STK17A: variants seen among roughly 807,000 people sequenced by gnomAD.
STK17A encodes serine/threonine kinase 17a.
STK17A carries 26 observed loss-of-function variants against 43.7 expected under a neutral mutation model. The ratio of observed to expected loss-of-function variants is 0.60; its 90% CI spans 0.44 to 0.83. The LOEUF (loss-of-function observed/expected upper bound fraction) is 0.83. Ranked by LOEUF, STK17A falls within the 40% of genes least tolerant of loss-of-function variation. The pLI is 0.00. For missense variants in STK17A, 476 were observed against 511.6 expected, an observed-to-expected ratio of 0.93 and a Z score of 0.67; for synonymous variants, 191 against 182.5, an observed-to-expected ratio of 1.05 and a Z score of -0.38.
At chr7:43,608,542 C>G (rs748602665) in intron 3 of STK17A, 142 bp downstream of exon 3, 70 of 917,132 alleles carry the variant, frequency 7.6e-5, no homozygotes, top group Middle Eastern at 6.9e-4. Context: ...TTACTCCTAT[C>G]CTCTAGCCAG....
rs1424992612 is a variant in STK17A at position 43,625,223 on chromosome 7, A to ATT, written c.*382_*383insTT. On this transcript the variant is annotated 3_prime_UTR_variant, in exon 7 of 7. Coordinates refer to ENST00000319357, the MANE Select transcript of STK17A (RefSeq NM_004760.3). The stretch of plus-strand genomic sequence containing the variant: ...TCTTGCATTATTCATATGTGTATCT[A>ATT]TATCTGCATAATGTTTGTTAATGTC... 1 of 160,282 alleles carries ATT rather than the reference A, an allele frequency of 6.2e-6. No homozygotes were observed. The highest frequency in any genetic ancestry group is 6.3e-5 in the Admixed American group (1 of 15,826). The allele number at this position is 160,282 out of a possible 1,614,324, so 9.9% of individuals were successfully genotyped here.
chr7:43,596,847 G>A (rs1191128163), intron 2 of STK17A, among the ~76,000 whole-genome samples: 3 of 131,996 alleles, frequency 2.3e-5, no homozygotes, highest in East Asian at 2.3e-4. Context: ...TAACCTGGGC[G>A]ACAAAGTGAG....
At chr7:43,595,476 G>A (rs1322437196) in intron 1 of STK17A, among the ~76,000 whole-genome samples, 3 of 151,886 alleles carry the variant, frequency 2.0e-5, no homozygotes, top group Non-Finnish European at 4.4e-5. Context: ...ACAGGGTTTC[G>A]CCATTTTGGC....
At chr7:43,592,096 T>C (rs2152970741) in intron 1 of STK17A, among the ~76,000 whole-genome samples, 1 of 151,706 alleles carries the variant, frequency 6.6e-6, no homozygotes, top group Admixed American at 6.6e-5. Flanking sequence ...TTTTTACAAA[T>C]TAAACTTTCT....
chr7:43,614,975 G>A (rs886421542), intron 3 of STK17A, among the ~76,000 whole-genome samples: 1 of 152,172 alleles, frequency 6.6e-6, no homozygotes, highest in African/African-American at 2.4e-5. Context: ...AACATTCATA[G>A]AATGTACATG....
chr7:43,583,361 C>T lies in STK17A; in HGVS notation c.118C>T (p.Arg40Cys), dbSNP rs568833473. 155 of 1,444,736 alleles carry T rather than the reference C, an allele frequency of 1.1e-4. No homozygotes were observed. In the African/African-American group the frequency reaches 2.0e-3, roughly 19 times the overall value. The allele number at this position is 1,444,736 out of a possible 1,614,324, so 89.5% of individuals were successfully genotyped here. ...PCRPPPPPQARGLLTEIRAVV... is the reference protein window; with the variant it reads ...PCRPPPPPQACGLLTEIRAVV... The stretch of plus-strand genomic sequence containing the variant: ...CCGGCCGCCGCCGCCGCCCCAGGCC[C>T]GCGGGCTGCTGACAGAGATACGCGC... The change falls in exon 1 of 7, where the codon CGC becomes TGC. Residue 40 changes from arginine (R) to cysteine (C), a missense_variant. Around this residue, in one of 3 missense-constraint regions of STK17A, gnomAD observed 320 missense variants for 326.3 expected, o/e 0.98. Transcript: ENST00000319357.
At chr7:43,596,889 T>C (rs1262977157) in intron 2 of STK17A, among the ~76,000 whole-genome samples, 5 of 148,322 alleles carry the variant, frequency 3.4e-5, no homozygotes, top group African/African-American at 7.4e-5. Context: ...AAAAAAAACC[T>C]TAATACTCAT....
Position 43,585,112 on chromosome 7 carries a change from A to G in STK17A, c.206+1663A>G, listed in dbSNP as rs560358174. On this transcript the variant is annotated intron_variant, in intron 1 of 6. Coordinates refer to ENST00000319357, the MANE Select transcript of STK17A (RefSeq NM_004760.3). Reference sequence around the variant, plus strand: ...CTCGTGAGGCTGAGGTAGGCGAATCACTTGAACCCGGGAGGCGGAGGTTGC... The same window carrying G: ...CTCGTGAGGCTGAGGTAGGCGAATCGCTTGAACCCGGGAGGCGGAGGTTGC... Among the ~76,000 whole-genome samples the G allele has an allele frequency of 5.9e-5, 9 of 152,130 alleles. No homozygotes were observed. In the South Asian group the frequency reaches 1.9e-3, roughly 32 times the overall value.
rs760869786 is a variant in STK17A, at chr7:43,608,250, C to T, written c.420-6C>T. 2 of 1,607,920 alleles carry T rather than the reference C, an allele frequency of 1.2e-6. No individual in the cohort carries two copies. The highest frequency in any genetic ancestry group is 1.7e-6 in the Non-Finnish European group (2 of 1,178,322). ...TATATATTACTTTAATTTTGCCCTT[C>T]TCTAGTGCTGCTGGGGGTGAAATCT... On this transcript the variant is annotated splice_region_variant and splice_polypyrimidine_tract_variant and intron_variant, in intron 2 of 6. Transcript: ENST00000319357.
chr7:43,621,864 G>A (rs530082582), intron 4 of STK17A, among the ~76,000 whole-genome samples: 8 of 107,306 alleles, frequency 7.5e-5, no homozygotes, highest in Non-Finnish European at 1.4e-4. Flanking sequence ...TTTTCCTTCC[G>A]TGACTCACCT....
At chr7:43,620,310 G>A (rs1379280369) in intron 4 of STK17A, among the ~76,000 whole-genome samples, 4 of 152,198 alleles carry the variant, frequency 2.6e-5, no homozygotes, top group African/African-American at 7.2e-5. Flanking sequence ...AAGATTAATA[G>A]TTTGATGGTC....
Position 43,595,134 on chromosome 7 carries a change from G to A in STK17A, c.207-767G>A, listed in dbSNP as rs535082458. Among the ~76,000 whole-genome samples the A allele has an allele frequency of 7.9e-5, 12 of 152,082 alleles. 1 individual carries two copies. In the South Asian group the frequency reaches 2.3e-3, roughly 29 times the overall value. ...ATGAGAAAATACATTTCTAGCTGAC[G>A]CTCTAGTTAAAATGATAAATGAGTG... On this transcript the variant is annotated intron_variant, in intron 1 of 6. Coordinates refer to ENST00000319357, the MANE Select transcript of STK17A (RefSeq NM_004760.3).
chr7:43,589,410 TTG>T (rs2082464493), intron 1 of STK17A, among the ~76,000 whole-genome samples: 1 of 151,490 alleles, frequency 6.6e-6, no homozygotes, highest in Non-Finnish European at 1.5e-5. Context: ...TACTTCCCCT[TTG>T]TACTGCTCAA....
Position 43,624,540 on chromosome 7 carries a change from T to A in STK17A, c.943T>A (p.Cys315Ser), listed in dbSNP as rs759301453. 4.3e-6 allele frequency: 7 copies of A among 1,612,826 alleles called. No individual in the cohort carries two copies. Among genetic ancestry groups the A allele is most frequent in the Non-Finnish European group, 5.9e-6 (7 of 1,179,416 alleles). Reference sequence around the variant, plus strand: ...CAGAGATCGAGCCACTGCTGAAGAATGTCTAAAGCACCCCTGGTTGACACA... The same window carrying A: ...CAGAGATCGAGCCACTGCTGAAGAAAGTCTAAAGCACCCCTGGTTGACACA... The part of the protein sequence containing the change: ...KPEDRATAEE[C>S]LKHPWLTQSS... Residue 315 changes from cysteine to serine, a missense_variant, in exon 7 of 7, where the codon TGT (cysteine) becomes AGT (serine). By Grantham distance (112) the Cys-to-Ser change is moderately radical. Transcript: ENST00000319357.
chr7:43,596,592 C>A (rs528732656), intron 2 of STK17A, among the ~76,000 whole-genome samples: 28 of 152,252 alleles, frequency 1.8e-4, no homozygotes, highest in African/African-American at 4.6e-4. Flanking sequence ...TCATACCAGG[C>A]GTGGTGACTC....
intron 2 of STK17A, among the ~76,000 whole-genome samples, chr7:43,598,269 G>A (rs2082532779): frequency 6.6e-6 from 1 of 152,184 alleles, no homozygotes; most frequent in African/African-American, 2.4e-5. Context: ...AGGAGATCGA[G>A]ACTATCCTGG....
intron 6 of STK17A, 108 bp from the exon 7 acceptor site, chr7:43,624,410 C>T (rs552246126): frequency 3.5e-6 from 4 of 1,137,104 alleles, no homozygotes; most frequent in Admixed American, 3.2e-5. Context: ...AAGATTTTTG[C>T]CAACTTGTCA....
intron 3 of STK17A, among the ~76,000 whole-genome samples, chr7:43,615,863 C>G (rs1289113464): frequency 6.6e-6 from 1 of 152,164 alleles, no homozygotes; most frequent in Non-Finnish European, 1.5e-5. Flanking sequence ...TCTTTTTTAA[C>G]ATTGTCCTCT....
At chr7:43,594,969 T>C (rs923478461) in intron 1 of STK17A, among the ~76,000 whole-genome samples, 17 of 151,994 alleles carry the variant, frequency 1.1e-4, no homozygotes, top group African/African-American at 2.9e-4. Context: ...GTGCCACTTA[T>C]AGGGTTCAAG....
Sources: gnomAD v4.1 joint callset for allele counts (sites outside exome capture counted in the v4.1 genomes callset) on GRCh38, gnomAD v4.1.1 for gene constraint, gnomAD v4.1.1 regional missense constraint, MANE v1.5 for transcripts, NCBI Gene and HGNC (gene_info 2026-07-23, HGNC 2026-07-21) for gene names.